LRRC7: variants seen among roughly 807,000 people sequenced by gnomAD.
The protein encoded by LRRC7 is leucine rich repeat containing 7.
A neutral mutation model predicts 175.7 loss-of-function variants in LRRC7; 23 were observed. The observed-to-expected ratio is 0.13, with a 90% CI of 0.09 to 0.19. The LOEUF is 0.19. LRRC7 is among the 10% of genes least tolerant of loss of function. LRRC7 has a pLI of 1.00. For synonymous variants in LRRC7, 685 were observed against 680.9 expected (o/e 1.01, Z -0.09); for missense variants, 1,354 against 1,904.7 (o/e 0.71, Z 5.38).
At chr1:69,796,445 C>A (rs1675778762) in intron 4 of LRRC7, among the ~76,000 whole-genome samples, 2 of 151,992 alleles carry the variant, frequency 1.3e-5, no homozygotes, top group South Asian at 4.2e-4. Flanking sequence ...CCCCTTCCTC[C>A]CTACTGCTGT....
intron 1 of LRRC7, among the ~76,000 whole-genome samples, chr1:69,609,305 A>G (rs982133460): frequency 5.3e-5 from 8 of 152,048 alleles, no homozygotes; most frequent in Admixed American, 6.6e-5. Flanking sequence ...TAGGCAGAAC[A>G]GTGGTAGGAA....
intron 11 of LRRC7, among the ~76,000 whole-genome samples, chr1:70,004,777 C>T (rs1655850849): frequency 6.6e-6 from 1 of 151,788 alleles, no homozygotes; most frequent in Non-Finnish European, 1.5e-5. Flanking sequence ...TCCTCCTTCC[C>T]TTCCTCCCTG....
intron 3 of LRRC7, among the ~76,000 whole-genome samples, chr1:69,772,075 C>T (rs180950012): frequency 2.0e-4 from 30 of 152,120 alleles, no homozygotes; most frequent in Admixed American, 5.9e-4. Flanking sequence ...GAGCTGAAAT[C>T]GCGCCACTGC....
intron 8 of LRRC7, among the ~76,000 whole-genome samples, chr1:69,975,855 T>A (rs554962432): frequency 1.1e-4 from 17 of 151,986 alleles, no homozygotes; most frequent in Admixed American, 9.8e-4. Flanking sequence ...CCTTGTGCTG[T>A]CAATCTCCTC....
chr1:69,762,054 C>T (rs895853117), intron 3 of LRRC7, among the ~76,000 whole-genome samples: 8 of 151,638 alleles, frequency 5.3e-5, no homozygotes, highest in Admixed American at 1.3e-4. Context: ...AAAATTATGT[C>T]CCAAATTTTG....
At chr1:70,053,353 G>A (rs1044805418) in intron 23 of LRRC7, among the ~76,000 whole-genome samples, 1 of 152,156 alleles carries the variant, frequency 6.6e-6, no homozygotes, top group South Asian at 2.1e-4. Context: ...GGTAATGAAT[G>A]TTTACAAACA....
chr1:69,731,625 T>G (rs1312540538), intron 2 of LRRC7, among the ~76,000 whole-genome samples: 1 of 152,222 alleles, frequency 6.6e-6, no homozygotes, highest in Non-Finnish European at 1.5e-5. Context: ...AAAGGTAACT[T>G]TTTGTTTGCA....
intron 1 of LRRC7, chr1:69,606,955 T>C (rs1647687152): frequency 6.6e-6 from 1 of 152,180 alleles, no homozygotes. Context: ...GCTGTGCACC[T>C]ACACTTAGGT....
At chr1:69,943,959 CA>C (rs1189218385) in intron 8 of LRRC7, among the ~76,000 whole-genome samples, 2 of 65,686 alleles carry the variant, frequency 3.0e-5, no homozygotes, top group African/African-American at 5.9e-5. Flanking sequence ...AACACACACA[CA>C]CACACACACA....
chr1:69,940,724 A>T (rs375656006), intron 8 of LRRC7, among the ~76,000 whole-genome samples: 2 of 152,128 alleles, frequency 1.3e-5, no homozygotes, highest in Non-Finnish European at 2.9e-5. Flanking sequence ...GCTCGAAAAC[A>T]TACTTGAGTT....
intron 1 of LRRC7, among the ~76,000 whole-genome samples, chr1:69,589,158 CTGTG>C (rs1646532076): frequency 1.5e-5 from 2 of 131,320 alleles, no homozygotes; most frequent in Non-Finnish European, 3.3e-5. Context: ...GTGTGTATGT[CTGTG>C]TGTGTGTGAG....
chr1:69,996,738 G>C (rs1488466654), intron 11 of LRRC7, among the ~76,000 whole-genome samples: 2 of 151,878 alleles, frequency 1.3e-5, no homozygotes, highest in African/African-American at 4.8e-5. Flanking sequence ...TGAGGGCTCT[G>C]TTCTGTTCCG....
chr1:70,108,202 A>ATAT (rs1305700442), intron 26 of LRRC7, among the ~76,000 whole-genome samples: 1 of 151,900 alleles, frequency 6.6e-6, no homozygotes, highest in Non-Finnish European at 1.5e-5. Context: ...GAACTGGTCC[A>ATAT]TATTTAATTT....
chr1:69,909,325 G>T (rs1351234271), intron 7 of LRRC7, among the ~76,000 whole-genome samples: 1 of 152,054 alleles, frequency 6.6e-6, no homozygotes, highest in Admixed American at 6.5e-5. Flanking sequence ...ATGTTAGCTG[G>T]TTATTTTGCT....
intron 7 of LRRC7, among the ~76,000 whole-genome samples, chr1:69,924,301 C>A (rs1646987919): frequency 6.6e-6 from 1 of 151,880 alleles, no homozygotes; most frequent in Non-Finnish European, 1.5e-5. Context: ...TTTTTGGTTC[C>A]ATATGAACTT....
chr1:69,867,001 GAATA>G (rs1031070323), intron 7 of LRRC7, among the ~76,000 whole-genome samples: 17 of 151,938 alleles, frequency 1.1e-4, no homozygotes, highest in African/African-American at 3.6e-4. Context: ...TGAGACACTG[GAATA>G]AATAAACTAG....
At chr1:69,669,527 A>T (rs895547510) in intron 1 of LRRC7, among the ~76,000 whole-genome samples, 19 of 152,128 alleles carry the variant, frequency 1.2e-4, no homozygotes, top group Non-Finnish European at 4.4e-5. Flanking sequence ...TGGGAGTTTG[A>T]TTATTAAATG....
intron 2 of LRRC7, among the ~76,000 whole-genome samples, chr1:69,758,609 T>C (rs1670691748): frequency 6.6e-6 from 1 of 152,010 alleles, no homozygotes; most frequent in Non-Finnish European, 1.5e-5. Context: ...ATCACCCAGA[T>C]AATGAACGTA....
chr1:69,985,073 C>T (rs1653810670), intron 9 of LRRC7, among the ~76,000 whole-genome samples: 1 of 152,162 alleles, frequency 6.6e-6, no homozygotes, highest in African/African-American at 2.4e-5. Flanking sequence ...CATTTGCAGC[C>T]CTTCCCTGTT....
Sources: gnomAD v4.1 joint callset for allele counts (sites outside exome capture counted in the v4.1 genomes callset) on GRCh38, gnomAD v4.1.1 for gene constraint, MANE v1.5 for transcripts, NCBI Gene and HGNC (gene_info 2026-07-23, HGNC 2026-07-21) for gene names.